The following VPS13D variants were observed in gnomAD, a reference collection of about 807,000 sequenced individuals.
VPS13D encodes vacuolar protein sorting 13 homolog D.
A neutral mutation model predicts 461.9 loss-of-function variants in VPS13D; 187 were observed. The observed-to-expected ratio is 0.40, with a 90% CI of 0.36 to 0.46. The LOEUF (loss-of-function observed/expected upper bound fraction) is 0.46. VPS13D is among the 20% of genes least tolerant of loss of function. The pLI is 0.60. For missense variants in VPS13D, 4,711 were observed against 5,364.9 expected, an observed-to-expected ratio of 0.88 and a Z score of 3.81; for synonymous variants, 1,951 against 1,986.3, an observed-to-expected ratio of 0.98 and a Z score of 0.47.
intron 54 of VPS13D, among the ~76,000 whole-genome samples, chr1:12,372,130 T>C (rs1303939400): frequency 6.6e-6 from 1 of 152,198 alleles, no homozygotes; most frequent in Non-Finnish European, 1.5e-5. Context: ...CTTGGCCTGC[T>C]GCATCCTCAA....
chr1:12,341,826 T>C lies in VPS13D; in HGVS notation c.8673T>C (p.Ala2891=), dbSNP rs752965916. ...PKRRQPFVPF[A]LRNHTGCTLW... is the part of the protein sequence containing the mutation. Reference sequence around the variant, plus strand: ...GCCGGCAGCCATTTGTCCCCTTTGCTCTGAGGAACCACACGGGGTGCACTT... The same window carrying C: ...GCCGGCAGCCATTTGTCCCCTTTGCCCTGAGGAACCACACGGGGTGCACTT... Residue 2891 remains alanine (A), a synonymous_variant, in exon 41 of 70, where the codon GCT becomes GCC. Coordinates refer to ENST00000620676, the MANE Select transcript of VPS13D (RefSeq NM_015378.4). 8.1e-6 allele frequency: 13 copies of C among 1,613,858 alleles called. No individual in the cohort carries two copies.
chr1:12,308,137 A>G (rs893216946), intron 26 of VPS13D, among the ~76,000 whole-genome samples: 1 of 152,162 alleles, frequency 6.6e-6, no homozygotes, highest in African/African-American at 2.4e-5. Context: ...CCCCAGCCTC[A>G]GTTGTTGTCA....
chr1:12,288,366 G>T, intron 22 of VPS13D, 53 bp downstream of exon 22: 1 of 1,476,476 alleles, frequency 6.8e-7, no homozygotes, highest in Non-Finnish European at 9.5e-7. Flanking sequence ...GTCAGCATTT[G>T]AACATTGTGA....
Position 12,279,801 on chromosome 1 carries a change from A to G in VPS13D, c.4602+151A>G. Reference sequence around the variant, plus strand: ...ATACCATTGTTGAAACCTTGTTCCAATAATTGTGGAATCCTTTTGTCATGG... The same window carrying G: ...ATACCATTGTTGAAACCTTGTTCCAGTAATTGTGGAATCCTTTTGTCATGG... On this transcript the variant is annotated intron_variant, in intron 20 of 69. Transcript: ENST00000620676. The surrounding 1 kb of genome is among the most constrained non-coding windows in gnomAD (Gnocchi z 4.3). 1 of 724,412 alleles carries G rather than the reference A, an allele frequency of 1.4e-6. No individual in the cohort carries two copies. Among genetic ancestry groups the G allele is most frequent in the South Asian group, 5.8e-5 (1 of 17,368 alleles). The allele number at this position is 724,412 out of a possible 1,614,324, so 44.9% of individuals were successfully genotyped here.
intron 68 of VPS13D, among the ~76,000 whole-genome samples, chr1:12,504,123 G>A (rs1443662265): frequency 1.3e-5 from 2 of 152,060 alleles, no homozygotes; most frequent in Non-Finnish European, 2.9e-5. Flanking sequence ...ATTATTCTTT[G>A]ATGTGTTTGG....
chr1:12,285,290 TTATTTA>T (rs1447783250), intron 21 of VPS13D, among the ~76,000 whole-genome samples: 7 of 149,428 alleles, frequency 4.7e-5, no homozygotes, highest in African/African-American at 1.5e-4. Context: ...ATTTATTTAT[TTATTTA>T]TTTTTTTTTT....
chr1:12,455,567 A>G (rs1243249065), intron 65 of VPS13D, among the ~76,000 whole-genome samples: 1 of 151,568 alleles, frequency 6.6e-6, no homozygotes, highest in Non-Finnish European at 1.5e-5. Flanking sequence ...TTTGAGAACC[A>G]CTCAACCTGG....
Position 12,460,261 on chromosome 1 carries a change from G to C in VPS13D, c.12527G>C (p.Gly4176Ala). 3 of 1,612,012 alleles carry C rather than the reference G, an allele frequency of 1.9e-6. No homozygotes were observed. Among genetic ancestry groups the C allele is most frequent in the Non-Finnish European group, 2.5e-6 (3 of 1,178,986 alleles). Residue 4176 changes from glycine (G) to alanine (A), a missense_variant, in exon 67 of 70, where the codon GGG becomes GCG. Gly to Ala is a moderately conservative substitution (Grantham distance 60). Coordinates refer to ENST00000620676, the MANE Select transcript of VPS13D (RefSeq NM_015378.4). The stretch of plus-strand genomic sequence containing the variant: ...ACAGTGGAAGGTGTGAAAACAGAAG[G>C]GGGTGTCAGCGGTTTCATATCTGGC... ...TSTVEGVKTE[G>A]GVSGFISGLG...
intron 56 of VPS13D, 123 bp from the exon 57 acceptor site, chr1:12,379,365 T>C: frequency 1.3e-6 from 1 of 793,016 alleles, no homozygotes; most frequent in Non-Finnish European, 2.0e-6. Context: ...TAACTACCCA[T>C]TCAGTTTTAA....
rs201330814 is a variant in VPS13D at position 12,260,709 on chromosome 1, T to C, written c.1127T>C (p.Ile376Thr). Residue 376 changes from isoleucine (I) to threonine (T), a missense_variant, in exon 11 of 70, where the codon ATT (isoleucine) becomes ACT (threonine). Coordinates refer to ENST00000620676, the MANE Select transcript of VPS13D (RefSeq NM_015378.4). Reference sequence around the variant, plus strand: ...CCCAAACAGGAGGAAATGTGTCGGATTGAAGAGGAACAGAGCTTTGAGGAA... The same window carrying C: ...CCCAAACAGGAGGAAATGTGTCGGACTGAAGAGGAACAGAGCTTTGAGGAA... ...STDDKEEMCRIEEEQSFEELK... is the reference protein window; with the variant it reads ...STDDKEEMCRTEEEQSFEELK... 305 of 1,614,008 alleles carry C rather than the reference T, an allele frequency of 1.9e-4. No homozygotes were observed. The highest frequency in any genetic ancestry group is 2.4e-4 in the Non-Finnish European group (284 of 1,180,016).
In VPS13D at chr1:12,373,798, C is replaced by A; in HGVS notation, c.10857C>A (p.Thr3619=). ...CTGTGGCTTCCAACAAGGCCATTAC[C>A]TGTGCGGAGCTCGTTTTGGATGTCT... ...GRPVASNKAI[T]CAELVLDVSP... Residue 3619 remains threonine, a synonymous_variant, in exon 55 of 70, where the codon ACC becomes ACA. Transcript: ENST00000620676. The A allele has an allele frequency of 1.2e-6, 2 of 1,600,444 alleles. No individual in the cohort carries two copies. Among genetic ancestry groups the A allele is most frequent in the South Asian group, 2.2e-5 (2 of 89,780 alleles).
At chr1:12,303,403 A>G (rs1642477993) in intron 25 of VPS13D, among the ~76,000 whole-genome samples, 1 of 152,228 alleles carries the variant, frequency 6.6e-6, no homozygotes, top group South Asian at 2.1e-4. Flanking sequence ...CCACTGATTT[A>G]TTTAAACCAA....
Position 12,505,906 on chromosome 1 carries a change from C to T in VPS13D, c.12795-947C>T, listed in dbSNP as rs1646099512. ...CACCTCCTGCCCCCAGGCTTCTGCC[C>T]CCTTCAGAGGACCTGGGAACAACGC... On this transcript the variant is annotated intron_variant, in intron 68 of 69. Transcript: ENST00000620676. This position sits in a 1 kb window ranked among gnomAD's most constrained non-coding sequence, Gnocchi z 4.2. 6.6e-6 allele frequency among the ~76,000 whole-genome samples: 1 copy of T among 152,222 alleles called. No homozygotes were observed. Among genetic ancestry groups the T allele is most frequent in the African/African-American group, 2.4e-5 (1 of 41,454 alleles).
chr1:12,265,986 C>T (rs1011941502), intron 13 of VPS13D, among the ~76,000 whole-genome samples: 3 of 151,974 alleles, frequency 2.0e-5, no homozygotes, highest in Admixed American at 1.3e-4. Flanking sequence ...TAGCAAGACC[C>T]TATCTCTACT....
At chr1:12,327,018 C>G (rs1288911080) in intron 35 of VPS13D, among the ~76,000 whole-genome samples, 1 of 152,130 alleles carries the variant, frequency 6.6e-6, no homozygotes, top group Non-Finnish European at 1.5e-5. Flanking sequence ...TGATGTGTAT[C>G]TGTAATGTAG....
chr1:12,295,724 A>G (rs763646301), intron 24 of VPS13D, among the ~76,000 whole-genome samples: 25 of 152,190 alleles, frequency 1.6e-4, no homozygotes, highest in Non-Finnish European at 1.9e-4. Flanking sequence ...GTCACAGAGT[A>G]TCATAATAAG....
At chr1:12,451,733 G>A (rs1181340753) in intron 65 of VPS13D, among the ~76,000 whole-genome samples, 1 of 152,224 alleles carries the variant, frequency 6.6e-6, no homozygotes, top group Non-Finnish European at 1.5e-5. Flanking sequence ...CTTCCGCTTT[G>A]CTGGGGGGAT....
At position 12,473,914 on chromosome 1, in the gene VPS13D, G is replaced by A. The variant is rs1367824495; in HGVS notation, c.12662+13518G>A. ...ACTCTCCTGGGCTCTGAGCCTTTGTGTGTGGGAACCGCACTGGAAAAGGTG... is the reference window on the plus strand; with the variant it reads ...ACTCTCCTGGGCTCTGAGCCTTTGTATGTGGGAACCGCACTGGAAAAGGTG... On this transcript the variant is annotated intron_variant, in intron 67 of 69. Coordinates refer to ENST00000620676, the MANE Select transcript of VPS13D (RefSeq NM_015378.4). This position sits in a 1 kb window ranked among gnomAD's most constrained non-coding sequence, Gnocchi z 4.2. 6.6e-6 allele frequency among the ~76,000 whole-genome samples: 1 copy of A among 152,156 alleles called. No homozygotes were observed. The highest frequency in any genetic ancestry group is 1.5e-5 in the Non-Finnish European group (1 of 68,024).
At position 12,495,560 on chromosome 1, in the gene VPS13D, C is replaced by CAAAAAAAAAAAAAAAAA. The variant is rs1557476879; in HGVS notation, c.12663-1937_12663-1936insAAAAAAAAAAAAAAAAA. 6.6e-6 allele frequency among the ~76,000 whole-genome samples: 1 copy of CAAAAAAAAAAAAAAAAA among 152,138 alleles called. No individual in the cohort carries two copies. Among genetic ancestry groups the CAAAAAAAAAAAAAAAAA allele is most frequent in the East Asian group, 1.9e-4 (1 of 5,188 alleles). ...ATGAGACTACTGTAATAATATATTACAAATCCAGGGATCCTTTGTTAGTTA... is the reference window on the plus strand; with the variant it reads ...ATGAGACTACTGTAATAATATATTACAAAAAAAAAAAAAAAAAAAATCCAGGGATCCTTTGTTAGTTA... On this transcript the variant is annotated intron_variant, in intron 67 of 69. Coordinates refer to ENST00000620676, the MANE Select transcript of VPS13D (RefSeq NM_015378.4). This position sits in a 1 kb window ranked among gnomAD's most constrained non-coding sequence, Gnocchi z 4.0.
Sources: allele counts gnomAD v4.1 joint callset (sites outside exome capture counted in the v4.1 genomes callset), GRCh38; gene constraint gnomAD v4.1.1; non-coding constraint Gnocchi (gnomAD v3.1); transcripts MANE v1.5; gene names NCBI Gene and HGNC (gene_info 2026-07-23, HGNC 2026-07-21).